The following GRIK1 variants were observed in gnomAD, a reference collection of about 807,000 sequenced individuals.
The protein encoded by GRIK1 is glutamate ionotropic receptor kainate type subunit 1.
In GRIK1, 69 loss-of-function variants were observed where a neutral mutation model predicts 105.7. The ratio of observed to expected loss-of-function variants is 0.65; its 90% CI spans 0.54 to 0.80. GRIK1 has a LOEUF of 0.80. Among genes scored for constraint, GRIK1 ranks in the 30% least tolerant of loss-of-function variants. The probability of loss-of-function intolerance (pLI) is 0.00; values close to 1 mark genes in which losing one functional copy is unlikely to be tolerated. For synonymous variants in GRIK1, 438 were observed against 431.3 expected (o/e 1.02, Z -0.19); for missense variants, 1,109 against 1,167.3 (o/e 0.95, Z 0.73).
At chr21:29,776,616 C>T (rs980142383) in intron 1 of GRIK1, among the ~76,000 whole-genome samples, 4 of 152,066 alleles carry the variant, frequency 2.6e-5, no homozygotes, top group African/African-American at 7.2e-5. Context: ...TATTTATTAA[C>T]GGTGACAAGG....
At chr21:29,743,966 T>C (rs2064989555) in intron 1 of GRIK1, among the ~76,000 whole-genome samples, 1 of 152,098 alleles carries the variant, frequency 6.6e-6, no homozygotes, top group African/African-American at 2.4e-5. Context: ...TCAAGAAGAA[T>C]AACTAATGGG....
intron 1 of GRIK1, among the ~76,000 whole-genome samples, chr21:29,866,202 A>G (rs905044048): frequency 1.3e-5 from 2 of 151,992 alleles, no homozygotes; most frequent in African/African-American, 4.8e-5. Flanking sequence ...AGTAGCTGGG[A>G]CTAGGCAAAC....
chr21:29,745,886 G>A (rs375369439), intron 1 of GRIK1, among the ~76,000 whole-genome samples: 6 of 152,222 alleles, frequency 3.9e-5, no homozygotes, highest in African/African-American at 7.2e-5. Flanking sequence ...GGGGGATCAC[G>A]AGGTCAGGAG....
intron 1 of GRIK1, among the ~76,000 whole-genome samples, chr21:29,697,924 C>CTT (rs201170156): frequency 0.015 from 1,889 of 124,038 alleles, 41 homozygotes; most frequent in African/African-American, 0.063. Context: ...CTTTCTCTCT[C>CTT]TCTCTCTTTC....
At chr21:29,803,434 C>G (rs184535757) in intron 1 of GRIK1, among the ~76,000 whole-genome samples, 1 of 152,256 alleles carries the variant, frequency 6.6e-6, no homozygotes, top group East Asian at 1.9e-4. Context: ...TTTCCTGCCT[C>G]TTATCCTGGA....
At chr21:29,859,016 C>T (rs3015828) in intron 1 of GRIK1, among the ~76,000 whole-genome samples, 5 of 150,072 alleles carry the variant, frequency 3.3e-5, no homozygotes, top group Admixed American at 6.6e-5. Flanking sequence ...TATACACCAT[C>T]GAATACTATG....
chr21:29,594,934 A>G (rs2061383018), intron 9 of GRIK1, among the ~76,000 whole-genome samples: 1 of 152,158 alleles, frequency 6.6e-6, no homozygotes, highest in Non-Finnish European at 1.5e-5. Context: ...GAGTACGAGG[A>G]AAGCTTTTGG....
intron 1 of GRIK1, among the ~76,000 whole-genome samples, chr21:29,871,071 G>C (rs531365269): frequency 6.6e-6 from 1 of 152,226 alleles, no homozygotes; most frequent in African/African-American, 2.4e-5. Context: ...GGGCTGGGCA[G>C]GATTGCTGCT....
intron 6 of GRIK1, among the ~76,000 whole-genome samples, chr21:29,647,627 C>T (rs2146544355): frequency 6.6e-6 from 1 of 152,294 alleles, no homozygotes; most frequent in Middle Eastern, 3.4e-3. Context: ...AGTGTTGACT[C>T]ATACACAATT....
chr21:29,689,755 C>G lies in GRIK1; in HGVS notation c.517G>C (p.Val173Leu). Reference sequence around the variant, plus strand: ...GTGCTGTCTTCATACACCACTGTCACTGTTTTCCAGTTGTAATAGAGGACC... The same window carrying G: ...GTGCTGTCTTCATACACCACTGTCAGTGTTTTCCAGTTGTAATAGAGGACC... ...DLVLYYNWKT[V>L]TVVYEDSTGL... Residue 173 changes from valine to leucine, a missense_variant, in exon 3 of 18, where the codon GTG (valine) becomes CTG (leucine). Val to Leu is a conservative substitution (Grantham distance 32, BLOSUM62 1). This residue lies in a region of GRIK1 where 612 missense variants were observed against 586.0 expected (regional missense o/e 1.04). Coordinates refer to ENST00000327783, the MANE Select transcript of GRIK1 (RefSeq NM_001330994.2). 6.2e-7 allele frequency: 1 copy of G among 1,614,018 alleles called. No individual in the cohort carries two copies. Among genetic ancestry groups the G allele is most frequent in the Non-Finnish European group, 8.5e-7 (1 of 1,179,888 alleles).
intron 16 of GRIK1, among the ~76,000 whole-genome samples, chr21:29,547,734 ATGTT>A (rs1423362799): frequency 6.6e-6 from 1 of 152,298 alleles, no homozygotes; most frequent in Non-Finnish European, 1.5e-5. Flanking sequence ...TAATTAATGA[ATGTT>A]TGAGTTTTCA....
intron 4 of GRIK1, among the ~76,000 whole-genome samples, chr21:29,660,625 G>A (rs2062944604): frequency 6.6e-6 from 1 of 152,198 alleles, no homozygotes; most frequent in Non-Finnish European, 1.5e-5. Flanking sequence ...AACCTGGAGT[G>A]CTACTGAGCA....
chr21:29,549,459 C>T (rs150685047), intron 16 of GRIK1, among the ~76,000 whole-genome samples: 3 of 152,234 alleles, frequency 2.0e-5, no homozygotes, highest in Middle Eastern at 3.4e-3. Flanking sequence ...AAAACTGCTA[C>T]GTTCAAGCTA....
chr21:29,751,691 C>T (rs2065206189), intron 1 of GRIK1, among the ~76,000 whole-genome samples: 1 of 152,204 alleles, frequency 6.6e-6, no homozygotes, highest in Admixed American at 6.5e-5. Context: ...CAATCTGTTA[C>T]ACTCAAGATG....
chr21:29,748,412 GA>G (rs1208412278), intron 1 of GRIK1: 2 of 152,210 alleles, frequency 1.3e-5, no homozygotes, highest in Non-Finnish European at 2.9e-5. Context: ...TCAGATTTTA[GA>G]GTCTGGAAAT....
chr21:29,695,461 T>TATCTATC (rs1555874120), intron 1 of GRIK1, among the ~76,000 whole-genome samples: 6 of 146,766 alleles, frequency 4.1e-5, no homozygotes, highest in African/African-American at 1.5e-4. Flanking sequence ...TCTATCTATC[T>TATCTATC]ATCTATCTAT....
intron 1 of GRIK1, among the ~76,000 whole-genome samples, chr21:29,837,902 T>A (rs1477594010): frequency 2.6e-5 from 4 of 152,124 alleles, no homozygotes. Context: ...CAAGAAACTT[T>A]ATATTTCTGG....
chr21:29,664,363 T>A (rs772226667), intron 4 of GRIK1, among the ~76,000 whole-genome samples: 6 of 152,222 alleles, frequency 3.9e-5, no homozygotes, highest in African/African-American at 1.4e-4. Context: ...ATGACAATGA[T>A]AATCTCTAAG....
At chr21:29,701,316 G>T (rs1181778837) in intron 1 of GRIK1, among the ~76,000 whole-genome samples, 1 of 152,190 alleles carries the variant, frequency 6.6e-6, no homozygotes, top group Non-Finnish European at 1.5e-5. Flanking sequence ...AGTGCTTACT[G>T]GGAGGGCACT....
Sources: gnomAD v4.1 joint callset for allele counts (sites outside exome capture counted in the v4.1 genomes callset) on GRCh38, gnomAD v4.1.1 for gene constraint, gnomAD v4.1.1 regional missense constraint, MANE v1.5 for transcripts, NCBI Gene and HGNC (gene_info 2026-07-23, HGNC 2026-07-21) for gene names.